Variants in ZRANB3 observed in about 807,000 individuals in gnomAD.
The protein encoded by ZRANB3 is DNA annealing helicase and endonuclease ZRANB3.
ZRANB3 carries 125 observed loss-of-function variants against 133.8 expected under a neutral mutation model. That is an observed-to-expected ratio of 0.93 (90% CI 0.81 to 1.08). ZRANB3 has a LOEUF of 1.08. Among genes scored for constraint, ZRANB3 ranks in the 50% least tolerant of loss-of-function variants. ZRANB3 has a pLI of 0.00. For missense variants in ZRANB3, 1,229 were observed against 1,275.5 expected, an observed-to-expected ratio of 0.96 and a Z score of 0.56; for synonymous variants, 387 against 432.7, an observed-to-expected ratio of 0.89 and a Z score of 1.31.
At chr2:135,360,717 T>C (rs1233380169) in intron 3 of ZRANB3, among the ~76,000 whole-genome samples, 1 of 152,114 alleles carries the variant, frequency 6.6e-6, no homozygotes, top group Non-Finnish European at 1.5e-5. Context: ...AAAAATAAAA[T>C]AAAATAAAAT....
chr2:135,498,591 G>C (rs1289298855), intron 2 of ZRANB3, among the ~76,000 whole-genome samples: 1 of 152,194 alleles, frequency 6.6e-6, no homozygotes, highest in Non-Finnish European at 1.5e-5. Context: ...GCGATGTTCA[G>C]GGAACAAGAG....
rs993473282 is a variant in ZRANB3, at chr2:135,275,354, C to T, written c.1086+282G>A. On this transcript the variant is annotated intron_variant, in intron 9 of 20. Coordinates refer to ENST00000264159, the MANE Select transcript of ZRANB3 (RefSeq NM_032143.4). Reference sequence around the variant, plus strand: ...CTGGCCAGGCGGGGGCTGACCCCCACCTCCCTCCCAGATGGGGCGGCTGGC... The same window carrying T: ...CTGGCCAGGCGGGGGCTGACCCCCATCTCCCTCCCAGATGGGGCGGCTGGC... Among the ~76,000 whole-genome samples the T allele has an allele frequency of 5.9e-5, 9 of 151,902 alleles. No homozygotes were observed. In the East Asian group the frequency reaches 1.2e-3, roughly 20 times the overall value.
At chr2:135,245,635 TAG>T (rs1380155103) in intron 12 of ZRANB3, among the ~76,000 whole-genome samples, 1 of 151,468 alleles carries the variant, frequency 6.6e-6, no homozygotes, top group Admixed American at 6.6e-5. Context: ...GTATTTTTAA[TAG>T]AGACAGGGGC....
chr2:135,329,153 A>T (rs1471113208), intron 6 of ZRANB3, among the ~76,000 whole-genome samples: 9 of 152,002 alleles, frequency 5.9e-5, no homozygotes. Context: ...ATCCTGAATG[A>T]TATTGCCTAG....
intron 2 of ZRANB3, among the ~76,000 whole-genome samples, chr2:135,431,935 C>T (rs1283291437): frequency 1.3e-5 from 2 of 151,946 alleles, no homozygotes; most frequent in African/African-American, 2.4e-5. Context: ...ATACCGTGAG[C>T]CGAGGTAAAG....
At chr2:135,315,305 A>T in intron 7 of ZRANB3, 54 bp downstream of exon 7, 1 of 1,373,560 alleles carries the variant, frequency 7.3e-7, no homozygotes, top group Non-Finnish European at 9.5e-7. Flanking sequence ...AATCTTTAAT[A>T]GTGTAATTCA....
At chr2:135,204,662 T>C (rs937674796) in intron 19 of ZRANB3, among the ~76,000 whole-genome samples, 4 of 139,756 alleles carry the variant, frequency 2.9e-5, no homozygotes, top group South Asian at 4.2e-4. Flanking sequence ...TATATATATA[T>C]ACATATATAT....
At chr2:135,376,189 C>T (rs971878700) in intron 3 of ZRANB3, among the ~76,000 whole-genome samples, 3 of 152,114 alleles carry the variant, frequency 2.0e-5, no homozygotes, top group African/African-American at 4.8e-5. Context: ...GATTATCCCT[C>T]GGAAACATCA....
chr2:135,295,874 ATTCTT>A (rs1165188003), intron 8 of ZRANB3, among the ~76,000 whole-genome samples: 2 of 152,162 alleles, frequency 1.3e-5, no homozygotes, highest in Non-Finnish European at 2.9e-5. Context: ...TGGGTTGAAA[ATTCTT>A]TTCTTTAAGA....
chr2:135,318,212 T>TTTTGTG (rs997979584), intron 6 of ZRANB3, among the ~76,000 whole-genome samples: 1 of 136,886 alleles, frequency 7.3e-6, no homozygotes. Context: ...ACACACTATT[T>TTTTGTG]TGTGTGTGTG....
chr2:135,493,141 AT>A (rs1692480575), intron 2 of ZRANB3, among the ~76,000 whole-genome samples: 3 of 60,956 alleles, frequency 4.9e-5, no homozygotes, highest in South Asian at 7.2e-4. Flanking sequence ...ATATATATAT[AT>A]ATATATATAT....
At chr2:135,243,253 C>T (rs979571351) in intron 12 of ZRANB3, among the ~76,000 whole-genome samples, 25 of 152,202 alleles carry the variant, frequency 1.6e-4, no homozygotes, top group African/African-American at 5.8e-4. Context: ...CGGTGGCTCA[C>T]GCCTGTAATC....
intron 3 of ZRANB3, among the ~76,000 whole-genome samples, chr2:135,382,219 G>A (rs990642779): frequency 2.0e-5 from 3 of 152,188 alleles, no homozygotes; most frequent in African/African-American, 4.8e-5. Flanking sequence ...TAGCCGATTC[G>A]ATCAACTGGA....
chr2:135,430,965 C>A (rs1175708114), intron 2 of ZRANB3, among the ~76,000 whole-genome samples: 1 of 151,956 alleles, frequency 6.6e-6, no homozygotes, highest in African/African-American at 2.4e-5. Flanking sequence ...AAAAACGGTA[C>A]AACTTGTGAA....
chr2:135,280,355 G>A (rs1681043461), intron 8 of ZRANB3, among the ~76,000 whole-genome samples: 1 of 152,150 alleles, frequency 6.6e-6, no homozygotes, highest in African/African-American at 2.4e-5. Context: ...ATCACCTGAG[G>A]TCAGGAGTTC....
intron 3 of ZRANB3, among the ~76,000 whole-genome samples, chr2:135,358,842 A>G (rs772211501): frequency 1.3e-5 from 2 of 152,082 alleles, no homozygotes; most frequent in Non-Finnish European, 2.9e-5. Context: ...ACAAGCAGAT[A>G]CGAAAGTGTG....
rs146445814 is a variant in ZRANB3 at position 135,292,669 on chromosome 2, C to T, written c.967-16914G>A. Among the ~76,000 whole-genome samples the T allele has an allele frequency of 4.4e-3, 665 of 152,220 alleles. 6 individuals are homozygous for T. The highest frequency in any genetic ancestry group is 0.015 in the African/African-American group (635 of 41,522). On this transcript the variant is annotated intron_variant, in intron 8 of 20. Coordinates refer to ENST00000264159, the MANE Select transcript of ZRANB3 (RefSeq NM_032143.4). Reference sequence around the variant, plus strand: ...GGTGTTTTAGACATGAAGTCCTTGCCCATGCCTATGTCTTAATGGTATTGC... The same window carrying T: ...GGTGTTTTAGACATGAAGTCCTTGCTCATGCCTATGTCTTAATGGTATTGC...
intron 1 of ZRANB3, among the ~76,000 whole-genome samples, chr2:135,522,723 GA>G (rs1311055708): frequency 1.3e-5 from 2 of 150,580 alleles, no homozygotes; most frequent in African/African-American, 2.4e-5. Flanking sequence ...AAAAGAAAAA[GA>G]AAAAAAAAGT....
At chr2:135,367,087 A>G (rs560794487) in intron 3 of ZRANB3, among the ~76,000 whole-genome samples, 1 of 152,200 alleles carries the variant, frequency 6.6e-6, no homozygotes, top group South Asian at 2.1e-4. Flanking sequence ...TACTCTAAAA[A>G]CCACTCCAAC....
Sources: allele counts gnomAD v4.1 joint callset (sites outside exome capture counted in the v4.1 genomes callset), GRCh38; gene constraint gnomAD v4.1.1; transcripts MANE v1.5; gene names NCBI Gene and HGNC (gene_info 2026-07-23, HGNC 2026-07-21).